DUSP16: variants seen among roughly 807,000 people sequenced by gnomAD.
The protein encoded by DUSP16 is dual specificity phosphatase 16, also known as dual specificity protein phosphatase 16.
Under a neutral mutation model 58.3 loss-of-function variants are expected in DUSP16, and 21 were observed. The ratio of observed to expected loss-of-function variants is 0.36; its 90% CI spans 0.26 to 0.52. The LOEUF (loss-of-function observed/expected upper bound fraction) is 0.52. Ranked by LOEUF, DUSP16 falls within the 20% of genes least tolerant of loss-of-function variation. The pLI is 0.94. For missense variants in DUSP16, 726 were observed against 819.0 expected, an observed-to-expected ratio of 0.89 and a Z score of 1.39; for synonymous variants, 320 against 323.8, an observed-to-expected ratio of 0.99 and a Z score of 0.12.
At chr12:12,518,058 A>C (rs1191932349) in intron 3 of DUSP16, among the ~76,000 whole-genome samples, 1 of 152,200 alleles carries the variant, frequency 6.6e-6, no homozygotes, top group Non-Finnish European at 1.5e-5. Flanking sequence ...CAAGTAGCTA[A>C]AGCACCTGTG....
rs1459966912 is a variant in DUSP16 at position 12,561,367 on chromosome 12, C to T, written c.-366+750G>A. On this transcript the variant is annotated intron_variant, in intron 1 of 6. Transcript: ENST00000298573. ...ATCCATTCATTTTCAGATCTACTTGCCTTTTCTCTGGTTCATTATTGGTAT... is the reference window on the plus strand; with the variant it reads ...ATCCATTCATTTTCAGATCTACTTGTCTTTTCTCTGGTTCATTATTGGTAT... Among the ~76,000 whole-genome samples the T allele has an allele frequency of 2.6e-5, 4 of 152,196 alleles. No individual in the cohort carries two copies. In the East Asian group the frequency reaches 7.7e-4, roughly 29 times the overall value.
At position 12,520,068 on chromosome 12, in the gene DUSP16, T is replaced by C. The variant is rs574285895; in HGVS notation, c.229-68A>G. 6 of 1,549,002 alleles carry C rather than the reference T, an allele frequency of 3.9e-6. No homozygotes were observed. The East Asian group carries it at 1.3e-4, about 35-fold the overall frequency. On this transcript the variant is annotated intron_variant, in intron 2 of 6. Transcript: ENST00000298573. ...AGTAATCTCAAACTACTGCTTAAGA[T>C]CTCACATTTACCAGTGCTGGGGCGA...
chr12:12,497,186 A>C lies in DUSP16; in HGVS notation c.531+3333T>G, dbSNP rs569122920. On this transcript the variant is annotated intron_variant, in intron 4 of 6. Transcript: ENST00000298573. ...ATACTAGGTTAAATATGTTATTTTTAAACATTAAAATTAGTTTTGCCCATT... is the reference window on the plus strand; with the variant it reads ...ATACTAGGTTAAATATGTTATTTTTCAACATTAAAATTAGTTTTGCCCATT... Among the ~76,000 whole-genome samples, 3 of 152,356 alleles carry C rather than the reference A, an allele frequency of 2.0e-5. No homozygotes were observed. In the East Asian group the frequency reaches 5.8e-4, roughly 29 times the overall value.
At chr12:12,542,695 T>C (rs1270813711) in intron 1 of DUSP16, among the ~76,000 whole-genome samples, 1 of 152,172 alleles carries the variant, frequency 6.6e-6, no homozygotes, top group African/African-American at 2.4e-5. Context: ...AAACTGTCAT[T>C]TTTAAAAAGG....
At position 12,477,192 on chromosome 12, in the gene DUSP16, G is replaced by A. The variant is rs1479466139; in HGVS notation, c.1639C>T (p.Gln547Ter). ...CTGGTCAGGGAAGGGGTAGAGGTCT[G>A]GGGGGCCAAGATATCCGAGTGCCAG... ...KGWHSDILAPQTSTPSLTSSW... is the reference protein window; with the variant it reads ...KGWHSDILAP The change falls in exon 7 of 7, where the codon CAG (glutamine) becomes TAG (stop). Residue 547 changes from glutamine (Q) to a stop codon, truncating the protein, a stop_gained. Transcript: ENST00000298573. LOFTEE classifies it high-confidence loss of function. The surrounding 1 kb of genome is among the most constrained non-coding windows in gnomAD (Gnocchi z 4.1). The A allele has an allele frequency of 6.2e-7, 1 of 1,614,050 alleles. No individual in the cohort carries two copies. The highest frequency in any genetic ancestry group is 8.5e-7 in the Non-Finnish European group (1 of 1,180,014).
chr12:12,526,669 G>A (rs139166097), intron 1 of DUSP16, among the ~76,000 whole-genome samples: 8 of 152,020 alleles, frequency 5.3e-5, no homozygotes, highest in South Asian at 2.1e-4. Context: ...TTATTTTTAC[G>A]TGATTATATT....
chr12:12,515,657 G>T (rs1321757682), intron 3 of DUSP16, among the ~76,000 whole-genome samples: 1 of 151,786 alleles, frequency 6.6e-6, no homozygotes, highest in Non-Finnish European at 1.5e-5. Flanking sequence ...AAATTTCAAG[G>T]GGGGTTGTGG....
At chr12:12,558,416 C>T (rs1177170200) in intron 1 of DUSP16, among the ~76,000 whole-genome samples, 1 of 150,854 alleles carries the variant, frequency 6.6e-6, no homozygotes, top group Non-Finnish European at 1.5e-5. Context: ...CTGTCTTGCT[C>T]TGTTGCCCAA....
chr12:12,523,781 T>C lies in DUSP16; in HGVS notation c.-365-2318A>G, dbSNP rs183589404. ...GGCAATGTAAGGTCCTGTATTCAGA[T>C]TGTCTGATTCCCAAACCAGGGCTTC... On this transcript the variant is annotated intron_variant, in intron 1 of 6. Transcript: ENST00000298573. Among the ~76,000 whole-genome samples, 3 of 152,320 alleles carry C rather than the reference T, an allele frequency of 2.0e-5. No homozygotes were observed. The South Asian group carries it at 6.2e-4, about 32-fold the overall frequency.
intron 1 of DUSP16, among the ~76,000 whole-genome samples, chr12:12,531,546 A>G (rs966025229): frequency 2.0e-5 from 3 of 152,194 alleles, no homozygotes; most frequent in African/African-American, 7.2e-5. Context: ...TAAAATATCA[A>G]ATACATGTTA....
intron 3 of DUSP16, among the ~76,000 whole-genome samples, chr12:12,519,007 G>C (rs1382924881): frequency 3.3e-5 from 5 of 152,180 alleles, no homozygotes; most frequent in Non-Finnish European, 7.4e-5. Flanking sequence ...ATGTTTAAAA[G>C]CACTCTTGCC....
At chr12:12,479,682 A>T (rs1445079877) in intron 6 of DUSP16, among the ~76,000 whole-genome samples, 18 of 152,216 alleles carry the variant, frequency 1.2e-4, no homozygotes, top group Non-Finnish European at 2.5e-4. Flanking sequence ...CAGGGGAGTC[A>T]GACAAATCAG....
intron 1 of DUSP16, among the ~76,000 whole-genome samples, chr12:12,525,563 G>A (rs975930736): frequency 1.1e-4 from 17 of 151,730 alleles, no homozygotes; most frequent in African/African-American, 2.7e-4. Flanking sequence ...TGCATCCGGC[G>A]AAATTCTTAA....
chr12:12,503,224 C>CTTTTTTT (rs34349090), intron 3 of DUSP16, among the ~76,000 whole-genome samples: 1 of 115,434 alleles, frequency 8.7e-6, no homozygotes, highest in Admixed American at 9.4e-5. Context: ...CTGGTTATTG[C>CTTTTTTT]TTTTTTTTTT....
At chr12:12,534,810 C>CT (rs1351884747) in intron 1 of DUSP16, among the ~76,000 whole-genome samples, 7 of 152,056 alleles carry the variant, frequency 4.6e-5, no homozygotes, top group Admixed American at 4.6e-4. Context: ...ATTTGTTACT[C>CT]TAAAAAAAAG....
chr12:12,520,522 A>T (rs964780207), intron 2 of DUSP16, among the ~76,000 whole-genome samples: 3 of 152,214 alleles, frequency 2.0e-5, no homozygotes, highest in Non-Finnish European at 2.9e-5. Context: ...AAGCACCCCT[A>T]ATAATTAGTT....
chr12:12,508,745 T>C (rs1202084492), intron 3 of DUSP16, among the ~76,000 whole-genome samples: 1 of 152,128 alleles, frequency 6.6e-6, no homozygotes, highest in African/African-American at 2.4e-5. Flanking sequence ...AACAACCCTA[T>C]CACGTGACAC....
At chr12:12,538,353 G>C (rs1480905293) in intron 1 of DUSP16, among the ~76,000 whole-genome samples, 2 of 152,186 alleles carry the variant, frequency 1.3e-5, no homozygotes, top group Non-Finnish European at 2.9e-5. Flanking sequence ...ATTAAAGAAA[G>C]TCAGAGACTA....
intron 1 of DUSP16, among the ~76,000 whole-genome samples, chr12:12,522,543 T>C (rs1944251830): frequency 6.6e-6 from 1 of 152,070 alleles, no homozygotes; most frequent in Non-Finnish European, 1.5e-5. Context: ...TGTCTACTTC[T>C]GGCACTGAAC....
Sources: allele counts gnomAD v4.1 joint callset (sites outside exome capture counted in the v4.1 genomes callset), GRCh38; gene constraint gnomAD v4.1.1; non-coding constraint Gnocchi (gnomAD v3.1); transcripts MANE v1.5; gene names NCBI Gene and HGNC (gene_info 2026-07-23, HGNC 2026-07-21).